The following CSMD1 variants were observed in gnomAD, a reference collection of about 807,000 sequenced individuals.
CSMD1 encodes CUB and Sushi multiple domains 1.
CSMD1 carries 213 observed loss-of-function variants against 417.5 expected under a neutral mutation model. That is an observed-to-expected ratio of 0.51 (90% CI 0.46 to 0.57). CSMD1 has a LOEUF of 0.57. CSMD1 is among the 20% of genes least tolerant of loss of function. The probability of loss-of-function intolerance (pLI) is 0.00; values close to 1 mark genes in which losing one functional copy is unlikely to be tolerated. For missense variants in CSMD1, 6,923 were observed against 4,529.7 expected (o/e 1.53, Z -15.17); for synonymous variants, 2,862 against 1,736.8 (o/e 1.65, Z -16.11).
intron 36 of CSMD1, among the ~76,000 whole-genome samples, chr8:3,184,971 C>A (rs1328895039): frequency 6.6e-6 from 1 of 152,194 alleles, no homozygotes; most frequent in Non-Finnish European, 1.5e-5. Flanking sequence ...CTGTCACATC[C>A]CTGTTTTGTC....
At chr8:4,707,265 G>A (rs1193227024) in intron 1 of CSMD1, among the ~76,000 whole-genome samples, 2 of 152,140 alleles carry the variant, frequency 1.3e-5, no homozygotes, top group African/African-American at 2.4e-5. Context: ...TAGGAGGTAA[G>A]GAATATTAGG....
At chr8:4,704,100 C>A (rs546699229) in intron 1 of CSMD1, among the ~76,000 whole-genome samples, 3 of 152,190 alleles carry the variant, frequency 2.0e-5, no homozygotes, top group Non-Finnish European at 4.4e-5. Flanking sequence ...AACAGGCCAA[C>A]GTCTGATACA....
At chr8:3,430,128 CATAT>C (rs1366613062) in intron 12 of CSMD1, among the ~76,000 whole-genome samples, 1 of 152,098 alleles carries the variant, frequency 6.6e-6, no homozygotes, top group East Asian at 1.9e-4. Flanking sequence ...TACACACATA[CATAT>C]ACATACAAAC....
chr8:4,912,135 A>AGAAAAAAAAAAAG (rs1554518069), intron 1 of CSMD1, among the ~76,000 whole-genome samples: 1 of 115,612 alleles, frequency 8.6e-6, no homozygotes, highest in Non-Finnish European at 1.9e-5. Context: ...AAAAAAAAAA[A>AGAAAAAAAAAAAG]AAAAAAGAAA....
chr8:3,913,673 T>C (rs1029652338), intron 5 of CSMD1, among the ~76,000 whole-genome samples: 1 of 152,096 alleles, frequency 6.6e-6, no homozygotes, highest in Non-Finnish European at 1.5e-5. Flanking sequence ...GCCATCGAAA[T>C]ATCAAGGATG....
rs1441847918 is a variant in CSMD1 at position 4,332,090 on chromosome 8, A to T, written c.415+87863T>A. Among the ~76,000 whole-genome samples, 6 of 152,242 alleles carry T rather than the reference A, an allele frequency of 3.9e-5. No homozygotes were observed. The East Asian group carries it at 7.7e-4, about 20-fold the overall frequency. ...TGGCTCCACTGAATCATCTATTTTT[A>T]ATTTTGCCAAGAAACCACGCATAAT... On this transcript the variant is annotated intron_variant, in intron 3 of 69. Coordinates refer to ENST00000635120, the MANE Select transcript of CSMD1 (RefSeq NM_033225.6).
At chr8:4,992,109 C>T (rs1811501005) in intron 1 of CSMD1, among the ~76,000 whole-genome samples, 2 of 152,188 alleles carry the variant, frequency 1.3e-5, no homozygotes, top group Admixed American at 6.5e-5. Flanking sequence ...GAGGAGCTCT[C>T]TTCCACGGGG....
intron 1 of CSMD1, among the ~76,000 whole-genome samples, chr8:4,639,393 C>G (rs779707488): frequency 1.3e-5 from 2 of 151,736 alleles, no homozygotes; most frequent in Non-Finnish European, 2.9e-5. Context: ...CTCTCATAAA[C>G]ACACTCTGCT....
intron 11 of CSMD1, among the ~76,000 whole-genome samples, chr8:3,478,863 C>G (rs1287105197): frequency 1.3e-5 from 2 of 152,186 alleles, no homozygotes; most frequent in Admixed American, 6.5e-5. Context: ...TAAATGATCT[C>G]ACCTGGGGAG....
rs1797134338 is a variant in CSMD1 at position 3,638,092 on chromosome 8, T to C, written c.1010-21295A>G. Among the ~76,000 whole-genome samples the C allele has an allele frequency of 2.6e-5, 4 of 152,134 alleles. No individual in the cohort carries two copies. The South Asian group carries it at 8.3e-4, about 31-fold the overall frequency. ...TTTCTAACCACACACAGCTATCAAATCAAGGAGCTCAGATTTAAACCCAAG... is the reference window on the plus strand; with the variant it reads ...TTTCTAACCACACACAGCTATCAAACCAAGGAGCTCAGATTTAAACCCAAG... On this transcript the variant is annotated intron_variant, in intron 7 of 69. Transcript: ENST00000635120.
At chr8:4,197,021 A>G (rs1222552171) in intron 3 of CSMD1, among the ~76,000 whole-genome samples, 1 of 152,148 alleles carries the variant, frequency 6.6e-6, no homozygotes, top group Non-Finnish European at 1.5e-5. Flanking sequence ...TAATGTGAAA[A>G]TATTTCCTTT....
chr8:4,178,407 A>G (rs986459380), intron 3 of CSMD1, among the ~76,000 whole-genome samples: 3 of 151,088 alleles, frequency 2.0e-5, no homozygotes, highest in Admixed American at 2.0e-4. Context: ...CTCTCAATAA[A>G]TTAGGTATTG....
chr8:3,489,850 C>T (rs767068831), intron 11 of CSMD1, among the ~76,000 whole-genome samples: 1 of 152,060 alleles, frequency 6.6e-6, no homozygotes, highest in Non-Finnish European at 1.5e-5. Flanking sequence ...AATGGAAACC[C>T]ACAAAATATT....
At chr8:4,372,573 G>C (rs372387590) in intron 3 of CSMD1, among the ~76,000 whole-genome samples, 1 of 151,620 alleles carries the variant, frequency 6.6e-6, no homozygotes, top group East Asian at 2.0e-4. Context: ...CTGTTTCTAG[G>C]TTTGAGGTAC....
intron 1 of CSMD1, among the ~76,000 whole-genome samples, chr8:4,980,444 C>T (rs967347720): frequency 2.5e-4 from 38 of 152,226 alleles, no homozygotes; most frequent in African/African-American, 8.9e-4. Flanking sequence ...GTTTGTCAGG[C>T]GAGGAGGCTT....
intron 10 of CSMD1, among the ~76,000 whole-genome samples, chr8:3,549,372 A>G (rs1273372088): frequency 6.6e-6 from 1 of 152,180 alleles, no homozygotes; most frequent in African/African-American, 2.4e-5. Flanking sequence ...AGATAGACAG[A>G]TCTAGGCCTT....
intron 3 of CSMD1, among the ~76,000 whole-genome samples, chr8:4,225,056 G>A (rs1801266935): frequency 6.6e-6 from 1 of 152,164 alleles, no homozygotes; most frequent in African/African-American, 2.4e-5. Context: ...AGGTTGCAGT[G>A]AGCTGACATC....
At chr8:4,366,469 G>A (rs993199583) in intron 3 of CSMD1, among the ~76,000 whole-genome samples, 1 of 152,158 alleles carries the variant, frequency 6.6e-6, no homozygotes, top group East Asian at 1.9e-4. Context: ...GGTTTAAATA[G>A]TAGTCCTGTT....
Position 4,113,144 on chromosome 8 carries a change from C to A in CSMD1, c.416-81045G>T, listed in dbSNP as rs545426698. Among the ~76,000 whole-genome samples the A allele has an allele frequency of 1.2e-4, 18 of 152,218 alleles. No homozygotes were observed. The South Asian group carries it at 3.7e-3, about 32-fold the overall frequency. On this transcript the variant is annotated intron_variant, in intron 3 of 69. Coordinates refer to ENST00000635120, the MANE Select transcript of CSMD1 (RefSeq NM_033225.6). The stretch of plus-strand genomic sequence containing the variant: ...GTTCCACTCATCAGCTGTTCTTTAT[C>A]TTACTCTCCCTCCTCGGGCCTTCCT...
Sources: gnomAD v4.1 joint callset for allele counts (sites outside exome capture counted in the v4.1 genomes callset) on GRCh38, gnomAD v4.1.1 for gene constraint, MANE v1.5 for transcripts, NCBI Gene and HGNC (gene_info 2026-07-23, HGNC 2026-07-21) for gene names.